The following CCDC141 variants were observed in gnomAD, a reference collection of about 807,000 sequenced individuals.
CCDC141 encodes the protein coiled-coil domain containing 141.
CCDC141 carries 168 observed loss-of-function variants against 181.0 expected under a neutral mutation model. The ratio of observed to expected loss-of-function variants is 0.93; its 90% CI spans 0.82 to 1.05. CCDC141 has a LOEUF of 1.05. Among genes scored for constraint, CCDC141 ranks in the 50% least tolerant of loss-of-function variants. The pLI is 0.00. For missense variants in CCDC141, 1,902 were observed against 1,788.5 expected (o/e 1.06, Z -1.14); for synonymous variants, 666 against 642.3 (o/e 1.04, Z -0.56).
intron 2 of CCDC141, among the ~76,000 whole-genome samples, chr2:179,010,042 G>C (rs563418452): frequency 3.7e-4 from 56 of 152,190 alleles, no homozygotes; most frequent in African/African-American, 1.3e-3. Flanking sequence ...ACATGTAGAA[G>C]AAAGAAATTC....
intron 2 of CCDC141, among the ~76,000 whole-genome samples, chr2:179,039,103 T>G (rs2043224075): frequency 6.6e-6 from 1 of 152,200 alleles, no homozygotes; most frequent in Admixed American, 6.5e-5. Flanking sequence ...GAATATGGTT[T>G]GGAAATCTAG....
rs776628915 is a variant in CCDC141, at chr2:178,837,300, C to T, written c.3919G>A (p.Glu1307Lys). Residue 1307 changes from glutamate (E) to lysine (K), a missense_variant, in exon 23 of 24, where the codon GAA becomes AAA. By Grantham distance (56) the Glu-to-Lys change is moderately conservative. Transcript: ENST00000443758. ...ATTCTGTGTAAGGCAGTACTCTTTTCCACGAATCCTCTGGAGGTTAGTGGG... is the reference window on the plus strand; with the variant it reads ...ATTCTGTGTAAGGCAGTACTCTTTTTCACGAATCCTCTGGAGGTTAGTGGG... ...EPPLTSRGFV[E>K]KSTALHRISA... 3.1e-6 allele frequency: 5 copies of T among 1,613,978 alleles called. No homozygotes were observed. Among genetic ancestry groups the T allele is most frequent in the Non-Finnish European group, 4.2e-6 (5 of 1,179,998 alleles).
chr2:178,979,287 T>C (rs189491729), intron 2 of CCDC141, among the ~76,000 whole-genome samples: 3 of 152,300 alleles, frequency 2.0e-5, no homozygotes, highest in Non-Finnish European at 4.4e-5. Context: ...ATCCATATAA[T>C]TCTTGAAGTT....
chr2:178,821,591 G>T, the CCDC141 span, among the ~76,000 whole-genome samples: 1 of 152,300 alleles, frequency 6.6e-6, no homozygotes, highest in African/African-American at 2.4e-5. Context: ...GATTTTAGTG[G>T]CCTAAATCCT....
In CCDC141 at chr2:178,829,967, G is replaced by C. The variant is rs553197855; in HGVS notation, c.*4206C>G. The C allele has an allele frequency of 6.6e-6, 1 of 152,212 alleles. No individual in the cohort carries two copies. The highest frequency in any genetic ancestry group is 2.1e-4 in the South Asian group (1 of 4,820). The allele number at this position is 152,212 out of a possible 1,614,324, so 9.4% of individuals were successfully genotyped here. ...AAATACTCTTAAGTTCTTGGATTTG[G>C]CTTTCTTTATATTTACAAGTTTGTA... On this transcript the variant is annotated 3_prime_UTR_variant, in exon 24 of 24. Transcript: ENST00000443758.
chr2:179,045,521 G>C (rs190137598), intron 2 of CCDC141, among the ~76,000 whole-genome samples: 196 of 152,202 alleles, frequency 1.3e-3, no homozygotes, highest in African/African-American at 4.5e-3. Context: ...CTTTGGGTAT[G>C]TACCCAGTAA....
downstream of CCDC141, among the ~76,000 whole-genome samples, chr2:178,829,103 G>A: frequency 6.6e-6 from 1 of 152,056 alleles, no homozygotes; most frequent in East Asian, 1.9e-4. Context: ...AACTATTATT[G>A]TTCTGGTTTA....
rs536436075 is a variant in CCDC141 at position 178,837,109 on chromosome 2, C to G, written c.4110G>C (p.Ser1370=). ...TGGTGCCTGATTGAAACCTGAGGCC[C>G]GAGAATGCATCAGAGGAAGCATGCA... ...DRLHASSDAF[S]GLRFQSGTSR... Residue 1370 remains serine (S), a synonymous_variant, in exon 23 of 24, where the codon TCG becomes TCC. Coordinates refer to ENST00000443758, the MANE Select transcript of CCDC141 (RefSeq NM_173648.4). 2.5e-6 allele frequency: 4 copies of G among 1,613,884 alleles called. No homozygotes were observed. In the Admixed American group the frequency reaches 5.0e-5, roughly 20 times the overall value.
At chr2:178,994,599 A>C (rs1012924776) in intron 2 of CCDC141, among the ~76,000 whole-genome samples, 5 of 152,086 alleles carry the variant, frequency 3.3e-5, no homozygotes, top group Non-Finnish European at 7.4e-5. Flanking sequence ...TTTCTTGGGG[A>C]TTAGCTCCTC....
At chr2:178,929,578 T>G (rs1011569548) in intron 6 of CCDC141, among the ~76,000 whole-genome samples, 1 of 152,176 alleles carries the variant, frequency 6.6e-6, no homozygotes, top group African/African-American at 2.4e-5. Flanking sequence ...TACTTGTCTT[T>G]TGATCTTCAA....
At chr2:178,954,350 A>C (rs1265694247) in intron 5 of CCDC141, among the ~76,000 whole-genome samples, 2 of 152,268 alleles carry the variant, frequency 1.3e-5, no homozygotes, top group Non-Finnish European at 1.5e-5. Flanking sequence ...TCAGCTGCTT[A>C]TCATTAAATG....
At chr2:179,034,230 A>G (rs2043075970) in intron 2 of CCDC141, among the ~76,000 whole-genome samples, 1 of 152,194 alleles carries the variant, frequency 6.6e-6, no homozygotes, top group Admixed American at 6.5e-5. Context: ...ATCCTTAGCA[A>G]ACTAAAGGAG....
chr2:178,824,617 CAAAAAAAAAAAAAAA>C, the CCDC141 span, among the ~76,000 whole-genome samples: 13 of 52,292 alleles, frequency 2.5e-4, no homozygotes, highest in Middle Eastern at 0.024. Context: ...GAGACTTCGT[CAAAAAAAAAAAAAAA>C]AAAAAAAAAA....
intron 2 of CCDC141, among the ~76,000 whole-genome samples, chr2:178,983,957 A>C (rs1339789688): frequency 3.3e-5 from 5 of 150,160 alleles, no homozygotes; most frequent in African/African-American, 9.8e-5. Context: ...TTCAGGAAAT[A>C]CAGAGAATGC....
chr2:179,042,044 G>A (rs1460063716), intron 2 of CCDC141, among the ~76,000 whole-genome samples: 1 of 152,146 alleles, frequency 6.6e-6, no homozygotes, highest in African/African-American at 2.4e-5. Context: ...ATCCAGAGCT[G>A]AGTACAGCTC....
At chr2:178,962,254 T>G (rs1690439010) in intron 4 of CCDC141, among the ~76,000 whole-genome samples, 1 of 152,108 alleles carries the variant, frequency 6.6e-6, no homozygotes, top group Non-Finnish European at 1.5e-5. Context: ...GGAGAAAGTG[T>G]AGAAGGAGAA....
intron 2 of CCDC141, among the ~76,000 whole-genome samples, chr2:178,981,683 T>G (rs113190349): frequency 0.07 from 8,308 of 119,160 alleles, 317 homozygotes; most frequent in East Asian, 0.11. Flanking sequence ...TATATATATA[T>G]AGAGAGAGAG....
intron 2 of CCDC141, chr2:179,002,852 A>G (rs2042023773): frequency 6.5e-6 from 1 of 153,020 alleles, no homozygotes; most frequent in South Asian, 2.1e-4. Context: ...CACTGTAATG[A>G]ATGGGGTAAA....
intron 2 of CCDC141, among the ~76,000 whole-genome samples, chr2:179,043,251 G>A (rs1396545437): frequency 1.3e-5 from 2 of 152,116 alleles, no homozygotes; most frequent in South Asian, 2.1e-4. Context: ...ACCAAAAAAA[G>A]CCCAGGACCA....
Sources: gnomAD v4.1 joint callset for allele counts (sites outside exome capture counted in the v4.1 genomes callset) on GRCh38, gnomAD v4.1.1 for gene constraint, MANE v1.5 for transcripts, NCBI Gene and HGNC (gene_info 2026-07-23, HGNC 2026-07-21) for gene names.